Variants in IMMP2L observed in about 807,000 individuals in gnomAD.
IMMP2L encodes mitochondrial inner membrane protease subunit 2.
IMMP2L carries 18 observed loss-of-function variants against 19.3 expected under a neutral mutation model. The observed-to-expected ratio is 0.93, with a 90% confidence interval of 0.64 to 1.38. The LOEUF (loss-of-function observed/expected upper bound fraction) is 1.38, where lower values mean the gene tolerates loss of function less well. IMMP2L is among the 40% of genes most tolerant of loss of function. The probability of loss-of-function intolerance (pLI) is 0.00; values close to 1 mark genes in which losing one functional copy is unlikely to be tolerated. For missense variants in IMMP2L, 233 were observed against 218.2 expected, an observed-to-expected ratio of 1.07 and a Z score of -0.43; for synonymous variants, 76 against 73.0, an observed-to-expected ratio of 1.04 and a Z score of -0.21.
chr7:111,083,158 T>G (rs1796024332), intron 3 of IMMP2L, among the ~76,000 whole-genome samples: 1 of 152,188 alleles, frequency 6.6e-6, no homozygotes, highest in Non-Finnish European at 1.5e-5. Context: ...GTTATTTAGT[T>G]TCAGGACGAC....
chr7:111,116,202 C>T (rs1799859456), intron 3 of IMMP2L, among the ~76,000 whole-genome samples: 1 of 152,050 alleles, frequency 6.6e-6, no homozygotes, highest in African/African-American at 2.4e-5. Context: ...GCCCTATATC[C>T]AGAGGAATGG....
At chr7:111,366,414 G>A (rs1291596691) in intron 3 of IMMP2L, among the ~76,000 whole-genome samples, 1 of 150,130 alleles carries the variant, frequency 6.7e-6, no homozygotes, top group Non-Finnish European at 1.5e-5. Context: ...AGACAAAAAA[G>A]CAAGCTGAAG....
intron 3 of IMMP2L, among the ~76,000 whole-genome samples, chr7:111,167,222 A>T (rs1487076172): frequency 1.3e-5 from 2 of 151,930 alleles, no homozygotes; most frequent in Non-Finnish European, 2.9e-5. Context: ...CTGTCTTTAG[A>T]TCTTTCCTCT....
At chr7:110,916,156 T>C (rs1196241320) in intron 4 of IMMP2L, among the ~76,000 whole-genome samples, 1 of 152,226 alleles carries the variant, frequency 6.6e-6, no homozygotes, top group Non-Finnish European at 1.5e-5. Context: ...TGCTTCGTTG[T>C]ATGATTTAGT....
At chr7:110,693,077 A>T (rs1176493220) in intron 5 of IMMP2L, among the ~76,000 whole-genome samples, 2 of 152,236 alleles carry the variant, frequency 1.3e-5, no homozygotes, top group African/African-American at 2.4e-5. Flanking sequence ...TTAAGTGCAT[A>T]AAAGCAAGCA....
chr7:111,203,493 G>A (rs1277031683), intron 3 of IMMP2L, among the ~76,000 whole-genome samples: 1 of 151,466 alleles, frequency 6.6e-6, no homozygotes, highest in Non-Finnish European at 1.5e-5. Flanking sequence ...ATAAGGCATA[G>A]GTTTTTAAAA....
chr7:111,262,516 T>C (rs1817422221), intron 3 of IMMP2L, among the ~76,000 whole-genome samples: 2 of 152,104 alleles, frequency 1.3e-5, no homozygotes, highest in African/African-American at 4.8e-5. Context: ...GTTGACTATG[T>C]CTACACCCCT....
At chr7:110,817,440 C>T (rs1457164748) in intron 5 of IMMP2L, among the ~76,000 whole-genome samples, 1 of 151,990 alleles carries the variant, frequency 6.6e-6, no homozygotes, top group East Asian at 1.9e-4. Context: ...GAACTACAAA[C>T]CACTGCTCAA....
intron 5 of IMMP2L, among the ~76,000 whole-genome samples, chr7:110,746,538 C>T (rs1392184901): frequency 6.7e-6 from 1 of 150,100 alleles, no homozygotes; most frequent in East Asian, 2.0e-4. Flanking sequence ...CAAAATAATG[C>T]ACATCATAAT....
At chr7:111,308,565 G>A (rs1823144186) in intron 3 of IMMP2L, among the ~76,000 whole-genome samples, 1 of 151,888 alleles carries the variant, frequency 6.6e-6, no homozygotes. Context: ...AGTACAGACA[G>A]TGAACTACTA....
Position 111,123,311 on chromosome 7 carries a change from A to G in IMMP2L, c.240-159746T>C. The stretch of plus-strand genomic sequence containing the variant: ...AATTCAAATAGATTGCAGATGATCA[A>G]CAGTAAGTGGTTTGATGCTCTTCCA... On this transcript the variant is annotated intron_variant, in intron 3 of 5. Coordinates refer to ENST00000405709, the MANE Select transcript of IMMP2L (RefSeq NM_032549.4). This position sits in a 1 kb window ranked among gnomAD's most constrained non-coding sequence, Gnocchi z 6.4. 1 of 1,613,890 alleles carries G rather than the reference A, an allele frequency of 6.2e-7. No individual in the cohort carries two copies. The highest frequency in any genetic ancestry group is 8.5e-7 in the Non-Finnish European group (1 of 1,179,948).
chr7:111,074,821 C>T (rs543612918), intron 3 of IMMP2L, among the ~76,000 whole-genome samples: 1 of 152,242 alleles, frequency 6.6e-6, no homozygotes, highest in East Asian at 1.9e-4. Context: ...GATAGTTTTG[C>T]AGTACTTTTG....
chr7:111,528,600 G>A lies in IMMP2L; in HGVS notation c.-2-7151C>T, dbSNP rs532564844. On this transcript the variant is annotated intron_variant, in intron 1 of 5. Transcript: ENST00000405709. ...CACACTGTAAATTTCTCTCCTTCCCGTAACAACTTGTGGCTTGATCATGCA... is the reference window on the plus strand; with the variant it reads ...CACACTGTAAATTTCTCTCCTTCCCATAACAACTTGTGGCTTGATCATGCA... Among the ~76,000 whole-genome samples the A allele has an allele frequency of 1.2e-3, 180 of 152,160 alleles. 1 individual carries two copies. The highest frequency in any genetic ancestry group is 2.1e-3 in the South Asian group (10 of 4,802).
chr7:110,905,594 G>C (rs1269482425), intron 4 of IMMP2L, among the ~76,000 whole-genome samples: 1 of 152,098 alleles, frequency 6.6e-6, no homozygotes, highest in Admixed American at 6.5e-5. Context: ...TTTAGGAAAA[G>C]GCATTTTGGG....
In IMMP2L at chr7:111,123,729, C is replaced by A; in HGVS notation, c.240-160164G>T. On this transcript the variant is annotated intron_variant, in intron 3 of 5. Transcript: ENST00000405709. This position sits in a 1 kb window ranked among gnomAD's most constrained non-coding sequence, Gnocchi z 6.4. Reference sequence around the variant, plus strand: ...TAAGAAAAATAGAAGCTACTAACAACCCTAGATTGTCTTACATTCACCCCA... The same window carrying A: ...TAAGAAAAATAGAAGCTACTAACAAACCTAGATTGTCTTACATTCACCCCA... 2 of 1,613,844 alleles carry A rather than the reference C, an allele frequency of 1.2e-6. No individual in the cohort carries two copies. The highest frequency in any genetic ancestry group is 8.5e-7 in the Non-Finnish European group (1 of 1,179,916).
chr7:111,485,405 G>A (rs879754332), intron 3 of IMMP2L, among the ~76,000 whole-genome samples: 11 of 151,612 alleles, frequency 7.3e-5, no homozygotes, highest in African/African-American at 1.9e-4. Flanking sequence ...CAAGACCATC[G>A]TGGCTAACAC....
At chr7:111,278,507 T>C (rs1369453397) in intron 3 of IMMP2L, among the ~76,000 whole-genome samples, 1 of 152,176 alleles carries the variant, frequency 6.6e-6, no homozygotes, top group African/African-American at 2.4e-5. Flanking sequence ...CATTTAGAGA[T>C]AACCATTGTC....
intron 4 of IMMP2L, among the ~76,000 whole-genome samples, chr7:110,958,756 A>G (rs1040573050): frequency 6.6e-6 from 1 of 152,164 alleles, no homozygotes; most frequent in Admixed American, 6.6e-5. Context: ...TAGGTCCTAG[A>G]TCTGTATCTC....
intron 3 of IMMP2L, among the ~76,000 whole-genome samples, chr7:111,403,704 C>T (rs1320912221): frequency 6.6e-6 from 1 of 152,040 alleles, no homozygotes; most frequent in East Asian, 1.9e-4. Context: ...AAAGCTACAT[C>T]CCAAACACAA....
Sources: gnomAD v4.1 joint callset for allele counts (sites outside exome capture counted in the v4.1 genomes callset) on GRCh38, gnomAD v4.1.1 for gene constraint, Gnocchi (gnomAD v3.1) non-coding constraint, MANE v1.5 for transcripts, NCBI Gene and HGNC (gene_info 2026-07-23, HGNC 2026-07-21) for gene names.